Variants in TRAPPC9 observed in about 807,000 individuals in gnomAD.
TRAPPC9 encodes the protein IKK2 binding protein.
In TRAPPC9, 83 loss-of-function variants were observed where a neutral mutation model predicts 124.0. That is an observed-to-expected ratio of 0.67 (90% CI 0.56 to 0.80). The LOEUF (loss-of-function observed/expected upper bound fraction) is 0.80. Among genes scored for constraint, TRAPPC9 ranks in the 30% least tolerant of loss-of-function variants. The probability of loss-of-function intolerance (pLI) is 0.00; values close to 1 mark genes in which losing one functional copy is unlikely to be tolerated. For missense variants in TRAPPC9, 1,302 were observed against 1,508.3 expected (o/e 0.86, Z 2.27); for synonymous variants, 638 against 617.5 (o/e 1.03, Z -0.49).
chr8:139,765,974 G>A (rs762242923), intron 21 of TRAPPC9, among the ~76,000 whole-genome samples: 5 of 152,244 alleles, frequency 3.3e-5, no homozygotes, highest in Non-Finnish European at 7.3e-5. Flanking sequence ...GGGCGCAGGT[G>A]TGGCCCTGAA....
chr8:139,746,164 C>T (rs758008212), intron 21 of TRAPPC9, among the ~76,000 whole-genome samples: 3 of 152,212 alleles, frequency 2.0e-5, no homozygotes, highest in Non-Finnish European at 4.4e-5. Flanking sequence ...TGTCTCAAGG[C>T]CCTGCACATC....
intron 2 of TRAPPC9, among the ~76,000 whole-genome samples, chr8:140,446,036 TAATCCC>T (rs1276114955): frequency 1.3e-5 from 2 of 152,168 alleles, no homozygotes; most frequent in Non-Finnish European, 2.9e-5. Flanking sequence ...CTCATGCCTA[TAATCCC>T]AGCACTTTGG....
intron 17 of TRAPPC9, among the ~76,000 whole-genome samples, chr8:140,190,644 G>C (rs1172556085): frequency 2.0e-5 from 3 of 152,216 alleles, no homozygotes; most frequent in African/African-American, 7.2e-5. Context: ...TTACACAAAA[G>C]GAGGCTGCAA....
At chr8:140,374,168 G>A (rs940618916) in intron 7 of TRAPPC9, among the ~76,000 whole-genome samples, 50 of 152,218 alleles carry the variant, frequency 3.3e-4, no homozygotes, top group Non-Finnish European at 1.3e-4. Flanking sequence ...TCAAATTTGA[G>A]TAGGACATGG....
At chr8:139,897,943 G>A (rs1286207209) in intron 20 of TRAPPC9, among the ~76,000 whole-genome samples, 1 of 152,240 alleles carries the variant, frequency 6.6e-6, no homozygotes, top group Non-Finnish European at 1.5e-5. Flanking sequence ...AGAGCCCCTT[G>A]GACTCAGAAA....
intron 21 of TRAPPC9, among the ~76,000 whole-genome samples, chr8:139,753,066 A>G (rs1475770591): frequency 1.6e-5 from 2 of 123,138 alleles, no homozygotes; most frequent in African/African-American, 3.6e-5. Flanking sequence ...CCACCCACCC[A>G]CCCATCTATC....
At chr8:140,421,932 T>C (rs1459288822) in intron 5 of TRAPPC9, among the ~76,000 whole-genome samples, 1 of 99,272 alleles carries the variant, frequency 1.0e-5, no homozygotes, top group African/African-American at 4.0e-5. Context: ...CGACCAAAAA[T>C]AAACCTACGC....
At chr8:140,129,704 C>T (rs2061169636) in intron 17 of TRAPPC9, among the ~76,000 whole-genome samples, 1 of 150,116 alleles carries the variant, frequency 6.7e-6, no homozygotes, top group Non-Finnish European at 1.5e-5. Context: ...TGAGAGCCAG[C>T]TTTCTCCCCA....
chr8:139,896,154 C>G (rs1280487926), intron 20 of TRAPPC9, among the ~76,000 whole-genome samples: 1 of 152,206 alleles, frequency 6.6e-6, no homozygotes, highest in African/African-American at 2.4e-5. Flanking sequence ...GCCACCCAAA[C>G]AGTCTTGCAT....
In TRAPPC9 at chr8:140,251,275, C is replaced by T. The variant is rs143221990; in HGVS notation, c.2431+1502G>A. On this transcript the variant is annotated intron_variant, in intron 16 of 22. Coordinates refer to ENST00000438773, the MANE Select transcript of TRAPPC9 (RefSeq NM_001160372.4). ...GGGCACCATTTATTCTGCCAAACCC[C>T]CTTCTTGGGAAGAAGAAGTCAGAAC... is the stretch of plus-strand genomic sequence containing the variant. Among the ~76,000 whole-genome samples the T allele has an allele frequency of 5.2e-3, 787 of 152,300 alleles. 4 individuals carry two copies. The highest frequency in any genetic ancestry group is 7.2e-3 in the Non-Finnish European group (493 of 68,034).
intron 17 of TRAPPC9, among the ~76,000 whole-genome samples, chr8:140,130,252 G>A (rs1318607142): frequency 6.8e-6 from 1 of 146,586 alleles, no homozygotes; most frequent in African/African-American, 2.4e-5. Flanking sequence ...TAAAGAACAG[G>A]ATCTTTACAT....
intron 21 of TRAPPC9, among the ~76,000 whole-genome samples, chr8:139,840,978 T>C (rs147633735): frequency 5.9e-5 from 9 of 152,286 alleles, no homozygotes; most frequent in African/African-American, 1.9e-4. Flanking sequence ...TAGTTTCCTA[T>C]TGCTGTGGTT....
chr8:140,404,432 G>A (rs570447961), intron 6 of TRAPPC9, among the ~76,000 whole-genome samples: 1 of 152,252 alleles, frequency 6.6e-6, no homozygotes, highest in South Asian at 2.1e-4. Flanking sequence ...TGCTGTTTAT[G>A]AGCATGTCTC....
At chr8:139,744,543 C>T (rs753496073) in intron 21 of TRAPPC9, among the ~76,000 whole-genome samples, 1 of 152,242 alleles carries the variant, frequency 6.6e-6, no homozygotes, top group Non-Finnish European at 1.5e-5. Flanking sequence ...CAGCTCTGCA[C>T]ACTCCAGCTG....
intron 17 of TRAPPC9, among the ~76,000 whole-genome samples, chr8:140,194,604 T>C (rs924775559): frequency 2.0e-5 from 3 of 152,162 alleles, no homozygotes; most frequent in Non-Finnish European, 4.4e-5. Context: ...TGAAATACAC[T>C]AGGCACATTC....
chr8:140,264,278 G>A (rs775077407), intron 15 of TRAPPC9, among the ~76,000 whole-genome samples: 28 of 152,008 alleles, frequency 1.8e-4, no homozygotes, highest in Non-Finnish European at 2.4e-4. Context: ...TCTCCTCCCC[G>A]TCAGCGCTGC....
At chr8:140,281,138 G>A (rs531399164) in intron 14 of TRAPPC9, among the ~76,000 whole-genome samples, 1 of 152,362 alleles carries the variant, frequency 6.6e-6, no homozygotes, top group South Asian at 2.1e-4. Context: ...GTGTTCCATT[G>A]TCTTGAGCAG....
At chr8:139,762,643 T>C (rs867896390) in intron 21 of TRAPPC9, among the ~76,000 whole-genome samples, 33 of 152,204 alleles carry the variant, frequency 2.2e-4, no homozygotes, top group African/African-American at 7.7e-4. Flanking sequence ...CCGTCACACA[T>C]GCGGTCCACC....
In TRAPPC9 at chr8:140,093,936, G is replaced by T. The variant is rs532430788; in HGVS notation, c.2557-69857C>A. Among the ~76,000 whole-genome samples, 5 of 152,236 alleles carry T rather than the reference G, an allele frequency of 3.3e-5. No individual in the cohort carries two copies. In the East Asian group the frequency reaches 7.7e-4, roughly 24 times the overall value. On this transcript the variant is annotated intron_variant, in intron 17 of 22. Coordinates refer to ENST00000438773, the MANE Select transcript of TRAPPC9 (RefSeq NM_001160372.4). ...CTCCCCATGGAGTCCACACTGCATC[G>T]ATTATGAAGTCTAACGAAGTTCCCT...
Sources: gnomAD v4.1 joint callset for allele counts (sites outside exome capture counted in the v4.1 genomes callset) on GRCh38, gnomAD v4.1.1 for gene constraint, MANE v1.5 for transcripts, NCBI Gene and HGNC (gene_info 2026-07-23, HGNC 2026-07-21) for gene names.